The following TRAF3 variants were observed in gnomAD, a reference collection of about 807,000 sequenced individuals.
TRAF3 encodes TNF receptor-associated factor 3.
TRAF3 carries 13 observed loss-of-function variants against 62.3 expected under a neutral mutation model. That is an observed-to-expected ratio of 0.21 (90% CI 0.14 to 0.33). The LOEUF (loss-of-function observed/expected upper bound fraction) is 0.33. Ranked by LOEUF, TRAF3 falls within the 10% of genes least tolerant of loss-of-function variation. The pLI is 1.00. For missense variants in TRAF3, 440 were observed against 741.8 expected (o/e 0.59, Z 4.73); for synonymous variants, 269 against 283.4 (o/e 0.95, Z 0.51).
At chr14:102,887,809 A>G (rs1201397186) in intron 7 of TRAF3, among the ~76,000 whole-genome samples, 4 of 152,020 alleles carry the variant, frequency 2.6e-5, no homozygotes, top group Admixed American at 6.6e-5. Flanking sequence ...GTTAGCCAGC[A>G]TGGTCTCCGT....
At chr14:102,828,946 G>A (rs985147087) in intron 1 of TRAF3, among the ~76,000 whole-genome samples, 4 of 152,186 alleles carry the variant, frequency 2.6e-5, no homozygotes, top group Non-Finnish European at 4.4e-5. Flanking sequence ...AAAAATCTCA[G>A]CCACTGGCTG....
Position 102,883,290 on chromosome 14 carries a change from T to G in TRAF3, c.571-2899T>G, listed in dbSNP as rs536009033. 3.6e-3 allele frequency among the ~76,000 whole-genome samples: 550 copies of G among 152,300 alleles called. 5 individuals are homozygous for G. Among genetic ancestry groups the G allele is most frequent in the African/African-American group, 0.013 (541 of 41,550 alleles). ...CAGTTATTTGCAATAGGCAGATGAG[T>G]CTAAGAAGTGTAATACTGAGCGAAG... On this transcript the variant is annotated intron_variant, in intron 6 of 11. Transcript: ENST00000392745.
intron 1 of TRAF3, among the ~76,000 whole-genome samples, chr14:102,811,539 C>T (rs752766916): frequency 3.0e-5 from 4 of 133,906 alleles, no homozygotes; most frequent in Admixed American, 7.7e-5. Context: ...GAGCTGTTTG[C>T]GCTGTAGGCG....
intron 2 of TRAF3, among the ~76,000 whole-genome samples, chr14:102,846,638 T>TAAAAAAAAAAAA (rs752922791): frequency 4.2e-5 from 3 of 71,750 alleles, no homozygotes; most frequent in African/African-American, 1.9e-4. Flanking sequence ...TCCAGCTTCT[T>TAAAAAAAAAAAA]AAAAAAAAAA....
At chr14:102,874,173 G>A (rs1020016802) in intron 4 of TRAF3, among the ~76,000 whole-genome samples, 1 of 152,220 alleles carries the variant, frequency 6.6e-6, no homozygotes, top group Non-Finnish European at 1.5e-5. Context: ...GCTGAGGTGA[G>A]AGGATCGCTT....
intron 1 of TRAF3, among the ~76,000 whole-genome samples, chr14:102,823,275 G>C (rs1900094578): frequency 6.6e-6 from 1 of 152,034 alleles, no homozygotes; most frequent in Non-Finnish European, 1.5e-5. Context: ...TGTTTTCTTT[G>C]ACCTCAAACC....
At position 102,887,633 on chromosome 14, in the gene TRAF3, C is replaced by T. The variant is rs960697055; in HGVS notation, c.651+1364C>T. Among the ~76,000 whole-genome samples the T allele has an allele frequency of 2.4e-4, 36 of 151,662 alleles. 1 individual carries two copies. Among genetic ancestry groups the T allele is most frequent in the Admixed American group, 6.6e-4 (10 of 15,254 alleles). On this transcript the variant is annotated intron_variant, in intron 7 of 11. Transcript: ENST00000392745. Reference sequence around the variant, plus strand: ...TTTTTGAGACGGAGTCTCGCTCTGTCACTCAGGCTGGAGTGCAGTGGCGTG... The same window carrying T: ...TTTTTGAGACGGAGTCTCGCTCTGTTACTCAGGCTGGAGTGCAGTGGCGTG...
At chr14:102,876,652 A>T (rs1203100641) in intron 6 of TRAF3, 127 bp downstream of exon 6, 2 of 1,291,122 alleles carry the variant, frequency 1.5e-6, no homozygotes, top group Admixed American at 4.0e-5. Context: ...AATCCGTTCC[A>T]CAGGCCTTCC....
chr14:102,832,953 A>G (rs1361269997), intron 2 of TRAF3, among the ~76,000 whole-genome samples: 1 of 152,216 alleles, frequency 6.6e-6, no homozygotes, highest in Middle Eastern at 3.2e-3. Context: ...ATTATAGAAA[A>G]TACGTAATTT....
intron 2 of TRAF3, among the ~76,000 whole-genome samples, chr14:102,835,970 A>G (rs1885975454): frequency 6.6e-6 from 1 of 152,172 alleles, no homozygotes; most frequent in Non-Finnish European, 1.5e-5. Flanking sequence ...TGTTGGCGGG[A>G]GGATCGCTTG....
rs538619976 is a variant in TRAF3, at chr14:102,794,465, G to C, written c.-157+16790G>C. 2.0e-5 allele frequency among the ~76,000 whole-genome samples: 3 copies of C among 152,354 alleles called. No homozygotes were observed. In the South Asian group the frequency reaches 6.2e-4, roughly 32 times the overall value. ...CCCAAAGTGTTGGGATTACAGGCGT[G>C]AGCTACTGTGCCCAGTCTGGAGCTG... On this transcript the variant is annotated intron_variant, in intron 1 of 11. Coordinates refer to ENST00000392745, the MANE Select transcript of TRAF3 (RefSeq NM_145725.3).
In TRAF3 at chr14:102,889,615, G is replaced by T. The variant is rs779644747; in HGVS notation, c.707G>T (p.Arg236Leu). ...VNAPSTCSFK[R>L]YGCVFQGTNQ... Reference sequence around the variant, plus strand: ...GCCCCCAGCACCTGTAGTTTTAAGCGCTATGGCTGCGTTTTTCAGGTCAGT... The same window carrying T: ...GCCCCCAGCACCTGTAGTTTTAAGCTCTATGGCTGCGTTTTTCAGGTCAGT... The change falls in exon 8 of 12, where the codon CGC becomes CTC. Residue 236 changes from arginine (R) to leucine (L), a missense_variant. Arg to Leu is a moderately radical substitution (Grantham distance 102). Around this residue, in one of 6 missense-constraint regions of TRAF3, gnomAD observed 255 missense variants for 424.1 expected, o/e 0.60. Transcript: ENST00000392745. The T allele has an allele frequency of 1.9e-6, 3 of 1,614,058 alleles. No individual in the cohort carries two copies. Among genetic ancestry groups the T allele is most frequent in the Non-Finnish European group, 1.7e-6 (2 of 1,180,048 alleles).
intron 2 of TRAF3, among the ~76,000 whole-genome samples, chr14:102,854,111 T>C (rs1887218969): frequency 6.6e-6 from 1 of 152,224 alleles, no homozygotes; most frequent in Admixed American, 6.5e-5. Context: ...GTAGCATATA[T>C]AGTACCTCAT....
At chr14:102,895,163 C>T (rs549555536) in intron 9 of TRAF3, 3 of 454,828 alleles carry the variant, frequency 6.6e-6, no homozygotes, top group East Asian at 7.0e-5. Context: ...ACAACTACCA[C>T]GCGATGCTGC....
Position 102,881,858 on chromosome 14 carries a change from G to A in TRAF3, c.571-4331G>A, listed in dbSNP as rs115525987. Among the ~76,000 whole-genome samples, 1,412 of 152,328 alleles carry A rather than the reference G, an allele frequency of 9.3e-3. 14 individuals are homozygous for A. The highest frequency in any genetic ancestry group is 0.014 in the African/African-American group (573 of 41,574). ...TGTTTAAGAAGGAATCGTAGCGTAT[G>A]TCTGTTAAACACCATATAAGTAACT... is the stretch of plus-strand genomic sequence containing the variant. On this transcript the variant is annotated intron_variant, in intron 6 of 11. Coordinates refer to ENST00000392745, the MANE Select transcript of TRAF3 (RefSeq NM_145725.3).
intron 10 of TRAF3, among the ~76,000 whole-genome samples, chr14:102,898,008 T>G (rs930552581): frequency 6.6e-6 from 1 of 152,390 alleles, no homozygotes; most frequent in African/African-American, 2.4e-5. Context: ...TTGTAGATGC[T>G]CTCTGCACAT....
chr14:102,880,471 A>G (rs1888986534), intron 6 of TRAF3, among the ~76,000 whole-genome samples: 1 of 152,236 alleles, frequency 6.6e-6, no homozygotes, highest in Non-Finnish European at 1.5e-5. Context: ...GATGCTGGCA[A>G]GGTTGCAGAG....
chr14:102,883,752 ATT>A (rs1371397312), intron 6 of TRAF3, among the ~76,000 whole-genome samples: 1 of 151,936 alleles, frequency 6.6e-6, no homozygotes, highest in Non-Finnish European at 1.5e-5. Context: ...CACCTGGCTG[ATT>A]TTTATATTTT....
At chr14:102,857,117 C>T (rs973741649) in intron 2 of TRAF3, among the ~76,000 whole-genome samples, 4 of 152,168 alleles carry the variant, frequency 2.6e-5, no homozygotes, top group South Asian at 2.1e-4. Context: ...ACTGATACAT[C>T]GGGTTGCTAG....
Sources: allele counts gnomAD v4.1 joint callset (sites outside exome capture counted in the v4.1 genomes callset), GRCh38; gene constraint gnomAD v4.1.1; regional missense constraint gnomAD v4.1.1; transcripts MANE v1.5; gene names NCBI Gene and HGNC (gene_info 2026-07-23, HGNC 2026-07-21).